The following HS1BP3 variants were observed in gnomAD, a reference collection of about 807,000 sequenced individuals.
HS1BP3 encodes HCLS1-binding protein 3.
HS1BP3 carries 32 observed loss-of-function variants against 33.5 expected under a neutral mutation model. That is an observed-to-expected ratio of 0.95 (90% CI 0.72 to 1.28). The LOEUF (loss-of-function observed/expected upper bound fraction) is 1.28, where lower values mean the gene tolerates loss of function less well. Among genes scored for constraint, HS1BP3 ranks in the 50% most tolerant of loss-of-function variants. HS1BP3 has a pLI of 0.00. For missense variants in HS1BP3, 486 were observed against 502.3 expected, an observed-to-expected ratio of 0.97 and a Z score of 0.31; for synonymous variants, 187 against 209.2, an observed-to-expected ratio of 0.89 and a Z score of 0.92.
chr2:20,625,000 A>C (rs1224947297), intron 4 of HS1BP3, 108 bp from the exon 5 acceptor site: 28 of 1,349,840 alleles, frequency 2.1e-5, no homozygotes, highest in Non-Finnish European at 2.7e-5. Flanking sequence ...GCTGGATGCC[A>C]TGGGCCAGAA....
intron 5 of HS1BP3, among the ~76,000 whole-genome samples, chr2:20,572,559 G>A (rs1014760154): frequency 4.0e-5 from 6 of 151,328 alleles, no homozygotes; most frequent in Admixed American, 6.6e-5. Flanking sequence ...GTGAGATCTC[G>A]GTCAGGTTAT....
chr2:20,559,283 C>T (rs73916862), downstream of HS1BP3, among the ~76,000 whole-genome samples: 5,113 of 152,332 alleles, frequency 0.034, 168 homozygotes, highest in African/African-American at 0.09. Context: ...CTTGGCAATG[C>T]TCCCTTTACC....
chr2:20,651,033 T>C lies in HS1BP3; in HGVS notation c.31A>G (p.Arg11Gly), dbSNP rs1401925896. 18 of 1,240,606 alleles carry C rather than the reference T, an allele frequency of 1.5e-5. No individual in the cohort carries two copies. Among genetic ancestry groups the C allele is most frequent in the Admixed American group, 8.1e-5 (2 of 24,622 alleles). The allele number at this position is 1,240,606 out of a possible 1,614,324, so 76.8% of individuals were successfully genotyped here. Residue 11 changes from arginine (R) to glycine (G), a missense_variant and splice_region_variant, in exon 1 of 7, where the codon AGG (arginine) becomes GGG (glycine). By Grantham distance (125) the Arg-to-Gly change is moderately radical. Coordinates refer to ENST00000304031, the MANE Select transcript of HS1BP3 (RefSeq NM_022460.4). ...GTGGGGCGCGGGGGTCTGGCTCACC[T>C]GGAGGTGACGAGCACCGCCGGGGAC... The part of the protein sequence containing the change: MQSPAVLVTS[R>G]RLQNAHTGLD...
intron 2 of HS1BP3, among the ~76,000 whole-genome samples, chr2:20,601,259 A>T (rs1239993223): frequency 6.6e-6 from 1 of 152,164 alleles, no homozygotes; most frequent in South Asian, 2.1e-4. Flanking sequence ...GAGTATCTAG[A>T]CTTGCTTTTT....
chr2:20,589,714 C>A (rs541806886), downstream of HS1BP3, among the ~76,000 whole-genome samples: 22 of 152,198 alleles, frequency 1.4e-4, no homozygotes, highest in Non-Finnish European at 2.6e-4. Flanking sequence ...AATCCTAAGG[C>A]AGTGAGGCAT....
intron 2 of HS1BP3, among the ~76,000 whole-genome samples, chr2:20,605,027 C>A (rs766579673): frequency 2.9e-4 from 44 of 152,226 alleles, no homozygotes; most frequent in Non-Finnish European, 5.0e-4. Context: ...GAGTCTCTCT[C>A]TCAGGATGCC....
chr2:20,580,543 A>G (rs2149275520), intron 5 of HS1BP3, among the ~76,000 whole-genome samples: 2 of 152,152 alleles, frequency 1.3e-5, no homozygotes, highest in South Asian at 4.2e-4. Flanking sequence ...AAAAGAAAAG[A>G]AACTTTGGTG....
Position 20,618,921 on chromosome 2 carries a change from G to GTCACT in HS1BP3, c.*65_*66insAGTGA. The GTCACT allele has an allele frequency of 1.3e-6, 2 of 1,551,994 alleles. No individual in the cohort carries two copies. Among genetic ancestry groups the GTCACT allele is most frequent in the South Asian group, 2.5e-5 (2 of 80,704 alleles). ...GGAGGTTCTGACCCTGCAGGGCCCA[G>GTCACT]TCCCTTCCCTTCACACCGATGTCCC... On this transcript the variant is annotated 3_prime_UTR_variant, in exon 7 of 7. Transcript: ENST00000304031.
At chr2:20,606,448 G>C (rs1694178665) in intron 2 of HS1BP3, 2 of 478,910 alleles carry the variant, frequency 4.2e-6, no homozygotes, top group Non-Finnish European at 4.2e-6. Flanking sequence ...CCATAGCTGG[G>C]GTTATAAGTT....
At chr2:20,613,049 T>TG (rs963848638), downstream of HS1BP3, among the ~76,000 whole-genome samples, 4 of 151,964 alleles carry the variant, frequency 2.6e-5, no homozygotes, top group Admixed American at 2.0e-4. Flanking sequence ...CATCTGGGGA[T>TG]GGGGGGGACT....
chr2:20,593,136 A>G (rs867774942), intron 3 of HS1BP3, among the ~76,000 whole-genome samples: 1 of 149,712 alleles, frequency 6.7e-6, no homozygotes. Context: ...GCCTTGGCAG[A>G]TGCTGGCCTT....
At chr2:20,592,548 A>G (rs1693842678), downstream of HS1BP3, 1 of 164,924 alleles carries the variant, frequency 6.1e-6, no homozygotes, top group Non-Finnish European at 1.5e-5. Context: ...GCTTCCCATC[A>G]GGATCAGTTT....
At chr2:20,622,441 T>G in intron 6 of HS1BP3, 1 of 644,564 alleles carries the variant, frequency 1.6e-6, no homozygotes, top group Non-Finnish European at 2.5e-6. Flanking sequence ...TGCGGGATGC[T>G]AAGGGGCACC....
At chr2:20,573,418 CTT>C (rs959690509) in intron 5 of HS1BP3, among the ~76,000 whole-genome samples, 6 of 152,204 alleles carry the variant, frequency 3.9e-5, no homozygotes, top group Admixed American at 2.0e-4. Flanking sequence ...CTTTGAGTCT[CTT>C]TGTTACTTGT....
intron 4 of HS1BP3, among the ~76,000 whole-genome samples, chr2:20,631,488 G>A (rs1042310662): frequency 5.2e-5 from 6 of 115,942 alleles, no homozygotes; most frequent in Admixed American, 2.4e-4. Flanking sequence ...CTATACTCCA[G>A]CCTAGGTAAA....
chr2:20,616,675 C>T (rs984833676), downstream of HS1BP3, among the ~76,000 whole-genome samples: 1 of 152,194 alleles, frequency 6.6e-6, no homozygotes, highest in African/African-American at 2.4e-5. Flanking sequence ...CCAGAATCCT[C>T]CCCTTCCCCT....
At chr2:20,566,521 C>T (rs966577018) in intron 5 of HS1BP3, among the ~76,000 whole-genome samples, 4 of 152,178 alleles carry the variant, frequency 2.6e-5, no homozygotes, top group Admixed American at 1.3e-4. Flanking sequence ...GCCACCTGCA[C>T]TCTGGCTCTA....
intron 5 of HS1BP3, among the ~76,000 whole-genome samples, chr2:20,583,461 C>T (rs1693584118): frequency 6.6e-6 from 1 of 152,116 alleles, no homozygotes. Flanking sequence ...GGGGGCAGCA[C>T]ACCTGGACCT....
intron 3 of HS1BP3, among the ~76,000 whole-genome samples, chr2:20,596,431 A>G (rs1368683599): frequency 6.6e-6 from 1 of 152,224 alleles, no homozygotes; most frequent in Admixed American, 6.5e-5. Context: ...GAATAGGATT[A>G]GTGACCTTAT....
Sources: allele counts gnomAD v4.1 joint callset (sites outside exome capture counted in the v4.1 genomes callset), GRCh38; gene constraint gnomAD v4.1.1; transcripts MANE v1.5; gene names NCBI Gene and HGNC (gene_info 2026-07-23, HGNC 2026-07-21).